ATP6V0A2: variants seen among roughly 807,000 people sequenced by gnomAD.
ATP6V0A2 encodes the protein ATPase H+ transporting V0 subunit a2.
In ATP6V0A2, 58 loss-of-function variants were observed where a neutral mutation model predicts 104.4. The observed-to-expected ratio is 0.56, with a 90% CI of 0.45 to 0.69. The LOEUF (loss-of-function observed/expected upper bound fraction) is 0.69, where lower values mean the gene tolerates loss of function less well. Ranked by LOEUF, ATP6V0A2 falls within the 30% of genes least tolerant of loss-of-function variation. ATP6V0A2 has a pLI of 0.00. For synonymous variants in ATP6V0A2, 376 were observed against 397.9 expected, an observed-to-expected ratio of 0.95 and a Z score of 0.65; for missense variants, 938 against 1,062.9, an observed-to-expected ratio of 0.88 and a Z score of 1.63.
chr12:123,757,913 T>C lies in ATP6V0A2; in HGVS notation c.2466-14T>C. The C allele has an allele frequency of 8.8e-7, 1 of 1,133,574 alleles. No individual in the cohort carries two copies. Among genetic ancestry groups the C allele is most frequent in the Non-Finnish European group, 1.2e-6 (1 of 822,496 alleles). 70.2% of individuals were successfully genotyped at this position (1,133,574 alleles called of 1,614,324 possible). On this transcript the variant is annotated splice_polypyrimidine_tract_variant and intron_variant, in intron 19 of 19. Coordinates refer to ENST00000330342, the MANE Select transcript of ATP6V0A2 (RefSeq NM_012463.4). ...CATAATCTTCCATTAATACATGGCT[T>C]TTTTTTTTTTTAGGGTAGAATTTCA...
At chr12:123,718,775 T>C in intron 2 of ATP6V0A2, 74 bp downstream of exon 2, 5 of 1,068,064 alleles carry the variant, frequency 4.7e-6, no homozygotes, top group South Asian at 1.4e-5. Flanking sequence ...TTTAAAAATA[T>C]TGGAAAATAT....
chr12:123,756,646 G>A, intron 18 of ATP6V0A2, 169 bp from the exon 19 acceptor site: 1 of 659,372 alleles, frequency 1.5e-6, no homozygotes, highest in Non-Finnish European at 2.6e-6. Context: ...CCGTCTCGGA[G>A]CTGACTGGCT....
intron 18 of ATP6V0A2, 90 bp from the exon 19 acceptor site, chr12:123,756,725 C>T (rs1956767461): frequency 1.5e-6 from 2 of 1,368,792 alleles, no homozygotes; most frequent in Non-Finnish European, 1.0e-6. Context: ...TAGTTCAGGG[C>T]CGTCAGGGGG....
intron 8 of ATP6V0A2, among the ~76,000 whole-genome samples, 192 bp from the exon 9 acceptor site, chr12:123,736,867 C>T (rs1956559066): frequency 1.3e-5 from 2 of 152,186 alleles, no homozygotes; most frequent in South Asian, 4.1e-4. Context: ...TTAGATTTTT[C>T]TGCCCACCTC....
intron 9 of ATP6V0A2, among the ~76,000 whole-genome samples, chr12:123,742,028 G>C (rs1956614397): frequency 1.3e-5 from 2 of 152,166 alleles, no homozygotes; most frequent in Admixed American, 6.5e-5. Flanking sequence ...GTCCTGCTCA[G>C]TTTTGATCTC....
chr12:123,716,801 A>T (rs1365070750), intron 1 of ATP6V0A2, among the ~76,000 whole-genome samples: 1 of 152,030 alleles, frequency 6.6e-6, no homozygotes, highest in African/African-American at 2.4e-5. Flanking sequence ...AAAAAAAAAA[A>T]AAGAGTTTAT....
chr12:123,720,009 G>A (rs1420454482), intron 2 of ATP6V0A2, among the ~76,000 whole-genome samples: 2 of 152,100 alleles, frequency 1.3e-5, no homozygotes, highest in South Asian at 2.1e-4. Flanking sequence ...TGGAGCAGCC[G>A]GCAGGTTCAA....
intron 4 of ATP6V0A2, among the ~76,000 whole-genome samples, chr12:123,725,144 A>G (rs1201179037): frequency 1.3e-5 from 2 of 152,152 alleles, no homozygotes; most frequent in Non-Finnish European, 2.9e-5. Flanking sequence ...CATGTTGGCC[A>G]GGCTGGTATC....
rs972478155 is a variant in ATP6V0A2 at position 123,760,677 on chromosome 12, C to T, written c.*2645C>T. ...AATCTTAAAACCCAAGGGATTTCTT[C>T]AGTAAACTAGACTTTGATTCAACCT... On this transcript the variant is annotated 3_prime_UTR_variant, in exon 20 of 20. Coordinates refer to ENST00000330342, the MANE Select transcript of ATP6V0A2 (RefSeq NM_012463.4). The T allele has an allele frequency of 6.6e-6, 1 of 152,196 alleles. No homozygotes were observed. The highest frequency in any genetic ancestry group is 2.4e-5 in the African/African-American group (1 of 41,440). 9.4% of individuals were successfully genotyped at this position (152,196 alleles called of 1,614,324 possible).
Position 123,744,955 on chromosome 12 carries a change from C to T in ATP6V0A2, c.1588C>T (p.Pro530Ser). 6.2e-7 allele frequency: 1 copy of T among 1,614,194 alleles called. No individual in the cohort carries two copies. The highest frequency in any genetic ancestry group is 8.5e-7 in the Non-Finnish European group (1 of 1,180,016). The change falls in exon 13 of 20, where the codon CCC (proline) becomes TCC (serine). Residue 530 changes from proline to serine, a missense_variant. By Grantham distance (74) the Pro-to-Ser change is moderately conservative. Coordinates refer to ENST00000330342, the MANE Select transcript of ATP6V0A2 (RefSeq NM_012463.4). The surrounding 1 kb of genome is among the most constrained non-coding windows in gnomAD (Gnocchi z 5.4). ...SIPGVFRGPY[P>S]LGIDPIWNLA... is the part of the protein sequence containing the mutation. ...TCCTGGAGTGTTCCGAGGCCCTTATCCCCTTGGCATTGATCCTGTGAGTGC... is the reference window on the plus strand; with the variant it reads ...TCCTGGAGTGTTCCGAGGCCCTTATTCCCTTGGCATTGATCCTGTGAGTGC...
intron 17 of ATP6V0A2, chr12:123,754,163 G>T (rs1047000417): frequency 8.0e-5 from 47 of 589,242 alleles, no homozygotes; most frequent in Admixed American, 6.0e-5. Context: ...TTACACAGGG[G>T]AGTCTGAGGC....
At chr12:123,745,025 G>A in intron 13 of ATP6V0A2, 53 bp downstream of exon 13, 1 of 1,541,968 alleles carries the variant, frequency 6.5e-7, no homozygotes, top group Non-Finnish European at 9.0e-7. Context: ...GTGCCACCTA[G>A]CTTCGGGCGC....
At chr12:123,738,327 G>A (rs1956575771) in intron 9 of ATP6V0A2, among the ~76,000 whole-genome samples, 1 of 151,998 alleles carries the variant, frequency 6.6e-6, no homozygotes, top group Non-Finnish European at 1.5e-5. Flanking sequence ...GCTTGAGGCG[G>A]AGGTTGTGGT....
intron 9 of ATP6V0A2, 71 bp from the exon 10 acceptor site, chr12:123,743,714 G>C (rs1956631309): frequency 6.4e-7 from 1 of 1,559,946 alleles, no homozygotes; most frequent in Non-Finnish European, 8.8e-7. Context: ...CAGTAACCCA[G>C]ATTCGTTGAA....
rs972858514 is a variant in ATP6V0A2, at chr12:123,735,694, C to CT, written c.825+76dup. On this transcript the variant is annotated intron_variant, in intron 8 of 19. Transcript: ENST00000330342. ...AAACATTTACACGTATATTTTCTCT[C>CT]TTTTTTAACATAGATAATATTGGTC... The CT allele has an allele frequency of 8.8e-5, 110 of 1,251,618 alleles. 1 individual carries two copies. The highest frequency in any genetic ancestry group is 5.9e-4 in the Middle Eastern group (3 of 5,078). 77.5% of individuals were successfully genotyped at this position (1,251,618 alleles called of 1,614,324 possible). A position where few individuals can be genotyped will look rare whatever the true frequency, so the allele number is the denominator to read the frequency against.
At chr12:123,713,172 A>G (rs1354306347) in intron 1 of ATP6V0A2, among the ~76,000 whole-genome samples, 1 of 152,064 alleles carries the variant, frequency 6.6e-6, no homozygotes, top group East Asian at 1.9e-4. Context: ...AGACCCAAAT[A>G]GAAAGGAGCC....
intron 6 of ATP6V0A2, among the ~76,000 whole-genome samples, chr12:123,730,287 C>T (rs959122209): frequency 3.9e-5 from 6 of 151,926 alleles, no homozygotes; most frequent in Non-Finnish European, 7.4e-5. Flanking sequence ...GATCTCCTGA[C>T]CTCATGATCC....
intron 9 of ATP6V0A2, among the ~76,000 whole-genome samples, chr12:123,740,926 T>A (rs150597875): frequency 4.3e-4 from 65 of 152,298 alleles, no homozygotes; most frequent in African/African-American, 1.5e-3. Context: ...AAAATCTGAT[T>A]CCTGGTGCTT....
intron 13 of ATP6V0A2, among the ~76,000 whole-genome samples, chr12:123,747,182 A>T (rs189594712): frequency 3.9e-5 from 6 of 152,316 alleles, no homozygotes; most frequent in African/African-American, 1.4e-4. Flanking sequence ...GACAAAATAG[A>T]CATACAGGAG....
Sources: allele counts gnomAD v4.1 joint callset (sites outside exome capture counted in the v4.1 genomes callset), GRCh38; gene constraint gnomAD v4.1.1; non-coding constraint Gnocchi (gnomAD v3.1); transcripts MANE v1.5; gene names NCBI Gene and HGNC (gene_info 2026-07-23, HGNC 2026-07-21).